DMD: variants seen among roughly 807,000 people sequenced by gnomAD.
The protein encoded by DMD is mutant dystrophin.
A neutral mutation model predicts 330.1 loss-of-function variants in DMD; 63 were observed. The ratio of observed to expected loss-of-function variants is 0.19; its 90% CI spans 0.16 to 0.24. The LOEUF (loss-of-function observed/expected upper bound fraction) is 0.24, where lower values mean the gene tolerates loss of function less well. DMD is among the 10% of genes least tolerant of loss of function. DMD has a pLI of 1.00. For missense variants in DMD, 3,344 were observed against 2,684.1 expected, an observed-to-expected ratio of 1.25 and a Z score of -5.43; for synonymous variants, 1,223 against 959.8, an observed-to-expected ratio of 1.27 and a Z score of -5.07.
At chrX:31,196,753 G>A (rs1235145278) in intron 67 of DMD, among the ~76,000 whole-genome samples, 1 of 89,589 alleles carries the variant, frequency 1.1e-5, no homozygotes, top group Non-Finnish European at 2.1e-5. Flanking sequence ...CCTGGGAGGT[G>A]GAGGTTGCAG....
intron 61 of DMD, among the ~76,000 whole-genome samples, chrX:31,340,088 C>G (rs1335333694): frequency 8.9e-6 from 1 of 112,187 alleles, no homozygotes; most frequent in East Asian, 2.8e-4. Flanking sequence ...CTTGGCAACT[C>G]TCAAGATAGA....
intron 52 of DMD, among the ~76,000 whole-genome samples, chrX:31,720,132 A>G (rs976936120): frequency 1.8e-5 from 2 of 112,314 alleles, no homozygotes; most frequent in Non-Finnish European, 1.9e-5. Context: ...TCCCCTTTTC[A>G]TGTAGAAAGG....
intron 44 of DMD, among the ~76,000 whole-genome samples, chrX:32,041,044 C>T (rs1215098827): frequency 2.7e-5 from 3 of 111,223 alleles, no homozygotes; most frequent in Non-Finnish European, 5.7e-5. Context: ...TAAATGGAAA[C>T]CAATGAAGAA....
chrX:32,963,771 T>C (rs1446812672), intron 2 of DMD, among the ~76,000 whole-genome samples: 2 of 111,128 alleles, frequency 1.8e-5, no homozygotes, highest in Non-Finnish European at 3.8e-5. Context: ...CCAAAGTGTA[T>C]AAAGGTCATA....
intron 26 of DMD, 42 bp downstream of exon 26, chrX:32,454,620 T>C (rs1281700888): frequency 9.4e-7 from 1 of 1,068,250 alleles, no homozygotes; most frequent in Non-Finnish European, 1.3e-6. Flanking sequence ...TTTTTCCATT[T>C]ATTTCCTTTG....
At chrX:31,261,894 A>G (rs900413089) in intron 62 of DMD, 5 of 112,319 alleles carry the variant, frequency 4.5e-5, no homozygotes, top group African/African-American at 1.6e-4. Flanking sequence ...TGATACAGTA[A>G]AATGCAGTTC....
At chrX:32,998,178 T>C (rs997568372) in intron 2 of DMD, among the ~76,000 whole-genome samples, 69 of 108,584 alleles carry the variant, frequency 6.4e-4, no homozygotes, top group African/African-American at 2.2e-3. Context: ...CTTGGCAACA[T>C]AGCAAGACCC....
chrX:31,725,185 C>T (rs970622503), intron 52 of DMD, among the ~76,000 whole-genome samples: 6 of 111,263 alleles, frequency 5.4e-5, no homozygotes, highest in African/African-American at 2.0e-4. Flanking sequence ...AGACAAGTTA[C>T]GTTAGCTCTC....
At chrX:32,528,878 G>C (rs1436780133) in intron 17 of DMD, among the ~76,000 whole-genome samples, 1 of 66,889 alleles carries the variant, frequency 1.5e-5, no homozygotes, top group East Asian at 4.1e-4. Context: ...CAGTTGTCCT[G>C]CCTTTCTGGA....
intron 43 of DMD, among the ~76,000 whole-genome samples, chrX:32,259,259 A>G (rs1295605872): frequency 9.0e-6 from 1 of 110,625 alleles, no homozygotes; most frequent in Non-Finnish European, 1.9e-5. Flanking sequence ...GTCTAGCCAT[A>G]TCATATAGCG....
At chrX:33,003,846 C>A (rs1319762187) in intron 2 of DMD, among the ~76,000 whole-genome samples, 3 of 112,357 alleles carry the variant, frequency 2.7e-5, no homozygotes, top group African/African-American at 6.4e-5. Context: ...TAAATATTAA[C>A]AGGACATTGC....
chrX:32,731,454 G>C (rs2067633293), intron 7 of DMD, among the ~76,000 whole-genome samples: 2 of 112,788 alleles, frequency 1.8e-5, no homozygotes, highest in African/African-American at 3.2e-5. Context: ...CCACCTCTGA[G>C]GGCAGGGCAC....
intron 1 of DMD, among the ~76,000 whole-genome samples, chrX:33,102,319 T>C (rs994293834): frequency 2.5e-5 from 1 of 39,272 alleles, no homozygotes; most frequent in Admixed American, 3.1e-4. Flanking sequence ...TTTTTTTGTT[T>C]TTTTTTTTTT....
intron 61 of DMD, among the ~76,000 whole-genome samples, chrX:31,345,597 T>C (rs1364621502): frequency 9.0e-6 from 1 of 111,546 alleles, no homozygotes; most frequent in African/African-American, 3.3e-5. Flanking sequence ...TTATTTATGG[T>C]TTATGAGTCG....
chrX:33,150,871 C>T (rs1018466040), intron 1 of DMD, among the ~76,000 whole-genome samples: 3 of 111,450 alleles, frequency 2.7e-5, no homozygotes, highest in African/African-American at 9.8e-5. Context: ...AAATTACTGT[C>T]CTGATTGTGG....
At chrX:32,312,665 G>C (rs932427741) in intron 41 of DMD, among the ~76,000 whole-genome samples, 2 of 108,691 alleles carry the variant, frequency 1.8e-5, no homozygotes, top group African/African-American at 3.3e-5. Context: ...TAACAAAATA[G>C]ATAGACCACT....
At chrX:32,218,905 CAGTT>C (rs1440510346) in intron 43 of DMD, among the ~76,000 whole-genome samples, 4 of 111,982 alleles carry the variant, frequency 3.6e-5, no homozygotes, top group Non-Finnish European at 7.5e-5. Flanking sequence ...TTCACTTTAT[CAGTT>C]AAACAATTAA....
intron 55 of DMD, among the ~76,000 whole-genome samples, chrX:31,516,134 T>G (rs1415555585): frequency 9.0e-6 from 1 of 111,060 alleles, no homozygotes; most frequent in Non-Finnish European, 1.9e-5. Context: ...AAAGCAAATC[T>G]TTAGAAACGT....
intron 68 of DMD, among the ~76,000 whole-genome samples, chrX:31,181,963 G>A (rs1181044222): frequency 1.2e-4 from 13 of 111,919 alleles, no homozygotes; most frequent in Non-Finnish European, 1.5e-4. Context: ...TGTTAAGTGA[G>A]ATTAATTCAT....
Sources: allele counts gnomAD v4.1 joint callset (sites outside exome capture counted in the v4.1 genomes callset), GRCh38; gene constraint gnomAD v4.1.1; transcripts MANE v1.5; gene names NCBI Gene and HGNC (gene_info 2026-07-23, HGNC 2026-07-21).